The following MED27 variants were observed in gnomAD, a reference collection of about 807,000 sequenced individuals.
The protein encoded by MED27 is mediator complex subunit 27, also known as mediator of RNA polymerase II transcription subunit 27.
In MED27, 30 loss-of-function variants were observed where a neutral mutation model predicts 38.2. The ratio of observed to expected loss-of-function variants is 0.79; its 90% CI spans 0.59 to 1.07. The LOEUF is 1.07. MED27 is among the 50% of genes least tolerant of loss of function. MED27 has a pLI of 0.00. For missense variants in MED27, 289 were observed against 397.5 expected, an observed-to-expected ratio of 0.73 and a Z score of 2.32; for synonymous variants, 122 against 153.5, an observed-to-expected ratio of 0.79 and a Z score of 1.52.
Position 132,044,881 on chromosome 9 carries a change from T to C in MED27, c.349-30414A>G, listed in dbSNP as rs138896545. Reference sequence around the variant, plus strand: ...GAAATACATTAAAAACAGGAAAAAGTTTTAATTTGGAGTGCTACTTCATAC... The same window carrying C: ...GAAATACATTAAAAACAGGAAAAAGCTTTAATTTGGAGTGCTACTTCATAC... On this transcript the variant is annotated intron_variant, in intron 2 of 7. Transcript: ENST00000292035. 5.2e-3 allele frequency among the ~76,000 whole-genome samples: 786 copies of C among 152,242 alleles called. 5 individuals are homozygous for C. Among genetic ancestry groups the C allele is most frequent in the African/African-American group, 0.018 (760 of 41,550 alleles).
intron 2 of MED27, among the ~76,000 whole-genome samples, chr9:132,015,785 CATCA>C (rs1198035309): frequency 6.6e-6 from 1 of 152,164 alleles, no homozygotes; most frequent in East Asian, 1.9e-4. Flanking sequence ...TAAGAGTTGT[CATCA>C]ATATCGCTAT....
intron 3 of MED27, among the ~76,000 whole-genome samples, chr9:131,943,012 G>GT (rs1830814990): frequency 6.6e-6 from 1 of 152,138 alleles, no homozygotes; most frequent in Admixed American, 6.5e-5. Flanking sequence ...TTTTGTTGTT[G>GT]TTTTGTTGTT....
chr9:132,020,073 T>C (rs1266414415), intron 2 of MED27, among the ~76,000 whole-genome samples: 1 of 152,232 alleles, frequency 6.6e-6, no homozygotes, highest in Non-Finnish European at 1.5e-5. Context: ...CATAGTTTCA[T>C]CAGAAAATCT....
intron 4 of MED27, among the ~76,000 whole-genome samples, chr9:131,910,585 C>T (rs558127872): frequency 6.6e-6 from 1 of 152,260 alleles, no homozygotes; most frequent in East Asian, 1.9e-4. Flanking sequence ...AAAAGTCCCA[C>T]ACTTTGCATG....
chr9:132,050,665 T>C (rs1348921958), intron 2 of MED27, among the ~76,000 whole-genome samples: 3 of 152,164 alleles, frequency 2.0e-5, no homozygotes, highest in African/African-American at 7.2e-5. Context: ...GACTTGCAGT[T>C]TCCTCTGCTG....
rs1006330159 is a variant in MED27 at position 131,883,458 on chromosome 9, G to A, written c.723+600C>T. On this transcript the variant is annotated intron_variant, in intron 6 of 7. Transcript: ENST00000292035. The surrounding 1 kb of genome is among the most constrained non-coding windows in gnomAD (Gnocchi z 4.2). ...ATTTTCTCTGGTCACTTTTCATTTCGTCTGACATTTCCCATAACAGTTTTT... is the reference window on the plus strand; with the variant it reads ...ATTTTCTCTGGTCACTTTTCATTTCATCTGACATTTCCCATAACAGTTTTT... 2.6e-5 allele frequency among the ~76,000 whole-genome samples: 4 copies of A among 152,072 alleles called. No individual in the cohort carries two copies. Among genetic ancestry groups the A allele is most frequent in the African/African-American group, 4.8e-5 (2 of 41,392 alleles).
At position 131,917,334 on chromosome 9, in the gene MED27, G is replaced by C. The variant is rs1830310298; in HGVS notation, c.573+22047C>G. On this transcript the variant is annotated intron_variant, in intron 4 of 7. Coordinates refer to ENST00000292035, the MANE Select transcript of MED27 (RefSeq NM_004269.4). The surrounding 1 kb of genome is among the most constrained non-coding windows in gnomAD (Gnocchi z 4.6). ...GGGAAGAAGAGGAGAAAGGTCAACT[G>C]AGGCCGGGTTATACAGACCATGTAC... 6.6e-6 allele frequency among the ~76,000 whole-genome samples: 1 copy of C among 152,132 alleles called. No homozygotes were observed. Among genetic ancestry groups the C allele is most frequent in the Non-Finnish European group, 1.5e-5 (1 of 68,012 alleles).
At chr9:132,026,015 A>AT (rs1564330062) in intron 2 of MED27, among the ~76,000 whole-genome samples, 1 of 152,194 alleles carries the variant, frequency 6.6e-6, no homozygotes. Context: ...TGGCTGAGTC[A>AT]TAAGAGAGTT....
intron 3 of MED27, among the ~76,000 whole-genome samples, chr9:131,945,795 TA>T (rs56741813): frequency 0.1 from 12,148 of 119,008 alleles, 1,492 homozygotes; most frequent in African/African-American, 0.3. Flanking sequence ...TCCTGTCTCT[TA>T]AAAAAAAAAA....
At chr9:131,991,956 C>T (rs146904235) in intron 3 of MED27, among the ~76,000 whole-genome samples, 2,911 of 152,192 alleles carry the variant, frequency 0.019, 88 homozygotes, top group African/African-American at 0.066. Context: ...CTCCTGACCT[C>T]GTGATCTGCC....
At chr9:131,969,732 A>G (rs1052183227) in intron 3 of MED27, among the ~76,000 whole-genome samples, 1 of 152,190 alleles carries the variant, frequency 6.6e-6, no homozygotes, top group African/African-American at 2.4e-5. Flanking sequence ...AGGGCAGCGC[A>G]TGAGAGTGGC....
At chr9:132,065,845 T>C (rs570836318) in intron 2 of MED27, among the ~76,000 whole-genome samples, 3 of 152,360 alleles carry the variant, frequency 2.0e-5, no homozygotes, top group East Asian at 3.9e-4. Flanking sequence ...GCCTCAATGG[T>C]AGAAGAAACC....
chr9:132,053,339 A>ATAATGGGG (rs950091288), intron 2 of MED27, among the ~76,000 whole-genome samples: 8 of 152,146 alleles, frequency 5.3e-5, no homozygotes, highest in African/African-American at 1.9e-4. Context: ...AAGGGAAAAA[A>ATAATGGGG]TAATGGGGTA....
chr9:131,914,279 G>A (rs1450927605), intron 4 of MED27, among the ~76,000 whole-genome samples: 2 of 152,218 alleles, frequency 1.3e-5, no homozygotes, highest in African/African-American at 2.4e-5. Flanking sequence ...GGAACATCCA[G>A]TAATGGGAAG....
chr9:132,043,530 T>C (rs1003815069), intron 2 of MED27, among the ~76,000 whole-genome samples: 3 of 152,096 alleles, frequency 2.0e-5, no homozygotes, highest in African/African-American at 4.8e-5. Flanking sequence ...ATATGATATA[T>C]ATAGTTTCAT....
intron 3 of MED27, among the ~76,000 whole-genome samples, chr9:131,943,548 A>G (rs190233090): frequency 3.9e-5 from 6 of 152,254 alleles, no homozygotes; most frequent in African/African-American, 7.2e-5. Flanking sequence ...CACTTCCACC[A>G]TATGTTACAC....
intron 2 of MED27, among the ~76,000 whole-genome samples, chr9:132,016,197 A>G (rs912695566): frequency 1.3e-5 from 2 of 152,234 alleles, no homozygotes; most frequent in Non-Finnish European, 2.9e-5. Context: ...AATAGAGAGC[A>G]AAGACAACAA....
chr9:131,949,167 A>G (rs1830940995), intron 3 of MED27, among the ~76,000 whole-genome samples: 1 of 152,170 alleles, frequency 6.6e-6, no homozygotes, highest in Non-Finnish European at 1.5e-5. Flanking sequence ...CTATTAATAA[A>G]TATTTTTGAG....
At chr9:131,986,226 T>C (rs989126719) in intron 3 of MED27, among the ~76,000 whole-genome samples, 2 of 152,240 alleles carry the variant, frequency 1.3e-5, no homozygotes, top group African/African-American at 2.4e-5. Flanking sequence ...CAGTGTATAG[T>C]AATGCCCTAC....
Sources: allele counts gnomAD v4.1 joint callset (sites outside exome capture counted in the v4.1 genomes callset), GRCh38; gene constraint gnomAD v4.1.1; non-coding constraint Gnocchi (gnomAD v3.1); transcripts MANE v1.5; gene names NCBI Gene and HGNC (gene_info 2026-07-23, HGNC 2026-07-21).